The following BPIFB1 variants were observed in gnomAD, a reference collection of about 807,000 sequenced individuals.
The protein encoded by BPIFB1 is BPI fold containing family B member 1.
In BPIFB1, 34 loss-of-function variants were observed where a neutral mutation model predicts 55.1. The observed-to-expected ratio is 0.62, with a 90% CI of 0.47 to 0.82. The LOEUF (loss-of-function observed/expected upper bound fraction) is 0.82, where lower values mean the gene tolerates loss of function less well. Ranked by LOEUF, BPIFB1 falls within the 40% of genes least tolerant of loss-of-function variation. The pLI is 0.00. For synonymous variants in BPIFB1, 236 were observed against 245.3 expected (o/e 0.96, Z 0.35); for missense variants, 532 against 593.1 (o/e 0.90, Z 1.07).
At chr20:33,292,122 T>G (rs951455499) in intron 6 of BPIFB1, 134 bp downstream of exon 6, 4 of 819,060 alleles carry the variant, frequency 4.9e-6, no homozygotes, top group African/African-American at 1.7e-5. Context: ...TGGGGCTGGA[T>G]AGCAAAGAGT....
rs1295880702 is a variant in BPIFB1, at chr20:33,309,712, C to A, written c.1400C>A (p.Ala467Asp). 1 of 1,613,926 alleles carries A rather than the reference C, an allele frequency of 6.2e-7. No individual in the cohort carries two copies. Among genetic ancestry groups the A allele is most frequent in the East Asian group, 2.2e-5 (1 of 44,892 alleles). Reference sequence around the variant, plus strand: ...ACTTTTCCCCTCCAATTCCAGGATGCCCTTGTGCTTACTCCAGCCTCCTTG... The same window carrying A: ...ACTTTTCCCCTCCAATTCCAGGATGACCTTGTGCTTACTCCAGCCTCCTTG... ...EAAESSLTKD[A>D]LVLTPASLWK... Residue 467 changes from alanine (A) to aspartate (D), a missense_variant, in exon 16 of 16, where the codon GCC (alanine) becomes GAC (aspartate). Physicochemically the swap from Ala to Asp is moderately radical, Grantham distance 126 (BLOSUM62 -2). Transcript: ENST00000253354. The surrounding 1 kb of genome is among the most constrained non-coding windows in gnomAD (Gnocchi z 4.4).
intron 2 of BPIFB1, among the ~76,000 whole-genome samples, chr20:33,286,758 C>G (rs1300509883): frequency 6.6e-6 from 1 of 152,210 alleles, no homozygotes; most frequent in African/African-American, 2.4e-5. Flanking sequence ...ATGTTGTGGA[C>G]CAAACAACTA....
chr20:33,287,080 A>G (rs1980294488), intron 2 of BPIFB1, among the ~76,000 whole-genome samples: 1 of 152,228 alleles, frequency 6.6e-6, no homozygotes, highest in South Asian at 2.1e-4. Context: ...ATTCCCAAGT[A>G]AGGACGGGAA....
chr20:33,288,704 C>G (rs6119363), intron 2 of BPIFB1, 37 bp from the exon 3 acceptor site: 1 of 1,600,892 alleles, frequency 6.2e-7, no homozygotes, highest in Non-Finnish European at 8.5e-7. Flanking sequence ...CTTCTTGCCC[C>G]TCCTCCTGGG....
At chr20:33,286,319 G>A (rs1375839174) in intron 2 of BPIFB1, 131 bp downstream of exon 2, 1 of 759,290 alleles carries the variant, frequency 1.3e-6, no homozygotes, top group African/African-American at 1.7e-5. Context: ...GGGTGAACAT[G>A]AGTGGGAGGT....
chr20:33,299,357 AGAG>A, intron 7 of BPIFB1: 1 of 356,592 alleles, frequency 2.8e-6, no homozygotes, highest in Non-Finnish European at 5.6e-6. Context: ...TGGGGGGAGC[AGAG>A]GAGCCAGTTT....
chr20:33,306,589 CTTTAT>C, intron 14 of BPIFB1: 5 of 356,436 alleles, frequency 1.4e-5, no homozygotes, highest in Middle Eastern at 8.1e-4. Flanking sequence ...TTTTTAATTT[CTTTAT>C]TTTATTAGAC....
In BPIFB1 at chr20:33,299,979, C is replaced by G. The variant is rs1315685537; in HGVS notation, c.742C>G (p.Leu248Val). Reference sequence around the variant, plus strand: ...CAAGGGTGACACCATTCAGCTCTACCTGGGGGTGAGTGTCCCAGGACCTTG... The same window carrying G: ...CAAGGGTGACACCATTCAGCTCTACGTGGGGGTGAGTGTCCCAGGACCTTG... ...AIKGDTIQLY[L>V]GAKLLDSQGK... Residue 248 changes from leucine (L) to valine (V), a missense_variant, in exon 8 of 16, where the codon CTG becomes GTG. Leu to Val is a conservative substitution (Grantham distance 32). Coordinates refer to ENST00000253354, the MANE Select transcript of BPIFB1 (RefSeq NM_033197.3). 6.2e-7 allele frequency: 1 copy of G among 1,613,980 alleles called. No individual in the cohort carries two copies. Among genetic ancestry groups the G allele is most frequent in the South Asian group, 1.1e-5 (1 of 91,074 alleles).
At chr20:33,288,536 G>C (rs141221682) in intron 2 of BPIFB1, among the ~76,000 whole-genome samples, 1 of 152,248 alleles carries the variant, frequency 6.6e-6, no homozygotes, top group African/African-American at 2.4e-5. Context: ...ATGTGAAAAC[G>C]ACCCATCTGG....
chr20:33,301,477 C>A, intron 9 of BPIFB1, 65 bp downstream of exon 9: 1 of 1,491,936 alleles, frequency 6.7e-7, no homozygotes. Context: ...TTCCTGAACA[C>A]AGGGTGCCCC....
chr20:33,307,158 C>A, intron 15 of BPIFB1, 171 bp downstream of exon 15: 1 of 621,478 alleles, frequency 1.6e-6, no homozygotes, highest in Non-Finnish European at 2.9e-6. Flanking sequence ...GTTGGCTGTG[C>A]TGAGGATGGA....
In BPIFB1 at chr20:33,289,946, G is replaced by C. The variant is rs1568647366; in HGVS notation, c.319G>C (p.Glu107Gln). 2 of 1,614,196 alleles carry C rather than the reference G, an allele frequency of 1.2e-6. No homozygotes were observed. The highest frequency in any genetic ancestry group is 2.2e-5 in the South Asian group (2 of 91,082). Residue 107 changes from glutamate (E) to glutamine (Q), a missense_variant, in exon 4 of 16, where the codon GAG becomes CAG. By Grantham distance (29) the Glu-to-Gln change is conservative (BLOSUM62 2). Transcript: ENST00000253354. Reference protein sequence around the residue: ...LQVKPSANDQELLVKIPLDMV... With the variant: ...LQVKPSANDQQLLVKIPLDMV... ...GGTGAAGCCCTCGGCCAATGACCAG[G>C]AGCTGCTAGTCAAGATCCCCCTGGA...
At chr20:33,295,670 A>AAGAAAGAAAGAAAGAAAGAAAG (rs1473039824) in intron 6 of BPIFB1, among the ~76,000 whole-genome samples, 5 of 150,530 alleles carry the variant, frequency 3.3e-5, no homozygotes, top group African/African-American at 1.2e-4. Context: ...GAGAGAAAGA[A>AAGAAAGAAAGAAAGAAAGAAAG]AGAAAGAAAG....
intron 6 of BPIFB1, among the ~76,000 whole-genome samples, chr20:33,293,533 G>C (rs1427950369): frequency 6.6e-6 from 1 of 152,098 alleles, no homozygotes; most frequent in African/African-American, 2.4e-5. Context: ...AATGACAGTA[G>C]CAATATTTAA....
intron 12 of BPIFB1, among the ~76,000 whole-genome samples, chr20:33,304,250 G>A (rs368963385): frequency 9.9e-5 from 15 of 152,148 alleles, no homozygotes; most frequent in South Asian, 6.2e-4. Context: ...AACCCTAGCC[G>A]CGGCCAGCCC....
At chr20:33,304,048 A>C in intron 12 of BPIFB1, 23 bp downstream of exon 12, 1 of 1,601,608 alleles carries the variant, frequency 6.2e-7, no homozygotes, top group Non-Finnish European at 8.5e-7. Context: ...ATCATCATGA[A>C]GATTCTGCTG....
chr20:33,302,512 C>T, intron 10 of BPIFB1, 100 bp downstream of exon 10: 1 of 1,306,766 alleles, frequency 7.7e-7, no homozygotes. Flanking sequence ...TTCATTCCAG[C>T]ACTGGGACAC....
Position 33,309,559 on chromosome 20 carries a change from C to T in BPIFB1, c.1396-149C>T. The stretch of plus-strand genomic sequence containing the variant: ...TTAATGTTCACACACAGACCCTCCA[C>T]CCCGACCCTTCTAAGAATTCTGTAT... On this transcript the variant is annotated intron_variant, in intron 15 of 15. Coordinates refer to ENST00000253354, the MANE Select transcript of BPIFB1 (RefSeq NM_033197.3). The surrounding 1 kb of genome is among the most constrained non-coding windows in gnomAD (Gnocchi z 4.4). 7.1e-6 allele frequency: 5 copies of T among 700,626 alleles called. No individual in the cohort carries two copies. Among genetic ancestry groups the T allele is most frequent in the Non-Finnish European group, 2.5e-6 (1 of 405,172 alleles). The allele number at this position is 700,626 out of a possible 1,614,324, so 43.4% of individuals were successfully genotyped here. A position where few individuals can be genotyped will look rare whatever the true frequency, so the allele number is the denominator to read the frequency against.
At chr20:33,308,970 T>C (rs1459422630) in intron 15 of BPIFB1, among the ~76,000 whole-genome samples, 1 of 149,304 alleles carries the variant, frequency 6.7e-6, no homozygotes, top group African/African-American at 2.5e-5. Flanking sequence ...CACATACACA[T>C]ACACACACAC....
Sources: allele counts gnomAD v4.1 joint callset (sites outside exome capture counted in the v4.1 genomes callset), GRCh38; gene constraint gnomAD v4.1.1; non-coding constraint Gnocchi (gnomAD v3.1); transcripts MANE v1.5; gene names NCBI Gene and HGNC (gene_info 2026-07-23, HGNC 2026-07-21).